AKAP6: variants seen among roughly 807,000 people sequenced by gnomAD.
AKAP6 encodes the protein A-kinase anchor protein 6.
AKAP6 carries 58 observed loss-of-function variants against 188.5 expected under a neutral mutation model. The ratio of observed to expected loss-of-function variants is 0.31; its 90% CI spans 0.25 to 0.38. The LOEUF (loss-of-function observed/expected upper bound fraction) is 0.38, where lower values mean the gene tolerates loss of function less well. Among genes scored for constraint, AKAP6 ranks in the 10% least tolerant of loss-of-function variants. AKAP6 has a pLI of 1.00. For missense variants in AKAP6, 2,710 were observed against 2,740.0 expected (o/e 0.99, Z 0.24); for synonymous variants, 989 against 998.6 (o/e 0.99, Z 0.18).
At chr14:32,782,571 A>C (rs993717374) in intron 12 of AKAP6, among the ~76,000 whole-genome samples, 5 of 152,178 alleles carry the variant, frequency 3.3e-5, no homozygotes, top group African/African-American at 1.2e-4. Flanking sequence ...AGGATACAAG[A>C]TCAATATATA....
intron 7 of AKAP6, among the ~76,000 whole-genome samples, chr14:32,653,119 A>G (rs1010789171): frequency 1.3e-5 from 2 of 152,188 alleles, no homozygotes; most frequent in African/African-American, 4.8e-5. Flanking sequence ...TTTGCATGTC[A>G]TAACATTTAA....
chr14:32,649,188 A>G (rs923946760), intron 7 of AKAP6, among the ~76,000 whole-genome samples: 3 of 152,090 alleles, frequency 2.0e-5, no homozygotes, highest in East Asian at 1.9e-4. Context: ...TGAGAGGGGT[A>G]ATCAATATTT....
intron 1 of AKAP6, among the ~76,000 whole-genome samples, chr14:32,395,072 T>C (rs56005166): frequency 0.11 from 17,364 of 151,958 alleles, 1,418 homozygotes; most frequent in South Asian, 0.23. Context: ...GCTGCCCTCC[T>C]AGCCTTTTCC....
At chr14:32,742,599 A>G (rs112046377) in intron 11 of AKAP6, among the ~76,000 whole-genome samples, 182 of 151,968 alleles carry the variant, frequency 1.2e-3, no homozygotes, top group African/African-American at 4.2e-3. Flanking sequence ...AAACTTTTCA[A>G]TTTCCTTCTT....
At chr14:32,763,039 C>A (rs887956901) in intron 11 of AKAP6, among the ~76,000 whole-genome samples, 3 of 151,996 alleles carry the variant, frequency 2.0e-5, no homozygotes, top group African/African-American at 7.2e-5. Flanking sequence ...GTGTTTGAAT[C>A]TAGACTTATA....
intron 2 of AKAP6, among the ~76,000 whole-genome samples, chr14:32,500,589 G>A (rs986408315): frequency 5.3e-5 from 8 of 152,130 alleles, no homozygotes; most frequent in Non-Finnish European, 7.4e-5. Flanking sequence ...GTATGGTGTT[G>A]CCAGTGTAGG....
At chr14:32,590,666 G>A (rs1885452490) in intron 5 of AKAP6, among the ~76,000 whole-genome samples, 1 of 152,106 alleles carries the variant, frequency 6.6e-6, no homozygotes, top group Non-Finnish European at 1.5e-5. Flanking sequence ...TGGTATATCT[G>A]TGACAAGAAA....
chr14:32,421,557 C>CT (rs1217878542), intron 1 of AKAP6, among the ~76,000 whole-genome samples: 1 of 151,498 alleles, frequency 6.6e-6, no homozygotes, highest in African/African-American at 2.4e-5. Context: ...GATAATCTTT[C>CT]TTTTTTACCG....
intron 1 of AKAP6, among the ~76,000 whole-genome samples, chr14:32,379,167 C>T (rs773013287): frequency 1.3e-5 from 2 of 151,966 alleles, no homozygotes; most frequent in Non-Finnish European, 2.9e-5. Context: ...GTGATCCGCC[C>T]CCTTGGCCTC....
At chr14:32,569,549 G>A (rs1473970032) in intron 4 of AKAP6, among the ~76,000 whole-genome samples, 1 of 152,166 alleles carries the variant, frequency 6.6e-6, no homozygotes, top group Non-Finnish European at 1.5e-5. Flanking sequence ...GGCACATTAA[G>A]TATATAGTTA....
intron 1 of AKAP6, among the ~76,000 whole-genome samples, chr14:32,411,278 AT>A (rs1321789458): frequency 6.6e-6 from 1 of 152,064 alleles, no homozygotes; most frequent in Non-Finnish European, 1.5e-5. Flanking sequence ...ATAGGTTGAT[AT>A]GGGCTGTTTA....
chr14:32,331,503 T>G (rs994139373), intron 1 of AKAP6, among the ~76,000 whole-genome samples: 41 of 152,230 alleles, frequency 2.7e-4, no homozygotes, highest in African/African-American at 9.9e-4. Context: ...TCCAACTTTA[T>G]GCTTTTGTGC....
intron 1 of AKAP6, among the ~76,000 whole-genome samples, chr14:32,369,104 A>G (rs1364544222): frequency 6.6e-6 from 1 of 152,146 alleles, no homozygotes; most frequent in Non-Finnish European, 1.5e-5. Context: ...GCACTCTTCA[A>G]ATGTGGTTAA....
intron 2 of AKAP6, among the ~76,000 whole-genome samples, chr14:32,445,914 G>A (rs750741725): frequency 6.6e-6 from 1 of 152,060 alleles, no homozygotes; most frequent in Non-Finnish European, 1.5e-5. Flanking sequence ...TCTTCCTTAG[G>A]GAAAGCTAGC....
chr14:32,710,108 G>A (rs534687484), intron 9 of AKAP6, among the ~76,000 whole-genome samples: 5 of 151,498 alleles, frequency 3.3e-5, no homozygotes, highest in South Asian at 2.1e-4. Context: ...TTTGGAAGAC[G>A]ACTGTAGCTT....
chr14:32,665,470 G>A (rs1888887945), intron 7 of AKAP6, among the ~76,000 whole-genome samples: 1 of 152,128 alleles, frequency 6.6e-6, no homozygotes, highest in African/African-American at 2.4e-5. Context: ...CGAGAAATAG[G>A]GTAAGGGGCA....
At chr14:32,618,323 G>T (rs984358701) in intron 7 of AKAP6, among the ~76,000 whole-genome samples, 2 of 152,116 alleles carry the variant, frequency 1.3e-5, no homozygotes, top group African/African-American at 4.8e-5. Context: ...CCAATATGTA[G>T]TTCTTTTATC....
chr14:32,391,743 C>A (rs983721864), intron 1 of AKAP6, among the ~76,000 whole-genome samples: 1 of 152,216 alleles, frequency 6.6e-6, no homozygotes, highest in Non-Finnish European at 1.5e-5. Context: ...CCCTTTGCAT[C>A]TTCTGCCATG....
At chr14:32,630,828 GA>G (rs1246128631) in intron 7 of AKAP6, among the ~76,000 whole-genome samples, 2 of 151,988 alleles carry the variant, frequency 1.3e-5, no homozygotes, top group Non-Finnish European at 2.9e-5. Context: ...GGAAAGTACA[GA>G]AAATAATACA....
Sources: allele counts gnomAD v4.1 joint callset (sites outside exome capture counted in the v4.1 genomes callset), GRCh38; gene constraint gnomAD v4.1.1; transcripts MANE v1.5; gene names NCBI Gene and HGNC (gene_info 2026-07-23, HGNC 2026-07-21).